The following C12orf42 variants were observed in gnomAD, a reference collection of about 807,000 sequenced individuals.
The protein encoded by C12orf42 is chromosome 12 open reading frame 42.
Under a neutral mutation model 21.6 loss-of-function variants are expected in C12orf42, and 25 were observed. The observed-to-expected ratio is 1.16, with a 90% CI of 0.84 to 1.62. The LOEUF (loss-of-function observed/expected upper bound fraction) is 1.62, where lower values mean the gene tolerates loss of function less well. C12orf42 is among the 40% of genes most tolerant of loss of function. C12orf42 has a pLI of 0.00. For missense variants in C12orf42, 483 were observed against 459.3 expected (o/e 1.05, Z -0.47); for synonymous variants, 174 against 175.0 (o/e 0.99, Z 0.05).
chr12:103,314,778 G>A (rs1426274146), intron 4 of C12orf42, among the ~76,000 whole-genome samples: 1 of 152,102 alleles, frequency 6.6e-6, no homozygotes, highest in East Asian at 1.9e-4. Context: ...TAGCCTTCTT[G>A]TCTTACTTAC....
chr12:103,313,582 A>G (rs1408131773), intron 4 of C12orf42, among the ~76,000 whole-genome samples: 1 of 152,236 alleles, frequency 6.6e-6, no homozygotes, highest in Non-Finnish European at 1.5e-5. Flanking sequence ...AAATAAAAAT[A>G]ATGATAATAT....
At chr12:103,473,962 T>C (rs1432134326) in intron 2 of C12orf42, among the ~76,000 whole-genome samples, 1 of 152,206 alleles carries the variant, frequency 6.6e-6, no homozygotes, top group Non-Finnish European at 1.5e-5. Context: ...TTTTTCTTAA[T>C]ACTCAGATTA....
the C12orf42 span, among the ~76,000 whole-genome samples, chr12:103,506,866 A>ATATT: frequency 6.4e-3 from 369 of 57,870 alleles, 29 homozygotes; most frequent in South Asian, 0.011. Flanking sequence ...TATTATATAT[A>ATATT]TATATTTATA....
chr12:103,422,833 TAA>T (rs75586729), intron 2 of C12orf42, among the ~76,000 whole-genome samples: 29 of 134,546 alleles, frequency 2.2e-4, no homozygotes, highest in East Asian at 4.2e-4. Context: ...CTGGGAACAT[TAA>T]AAAAAAAAAA....
chr12:103,159,673 T>C, the C12orf42 span: 2 of 152,260 alleles, frequency 1.3e-5, no homozygotes, highest in African/African-American at 4.8e-5. Context: ...CCATTTGCCA[T>C]CCATTTAATT....
At chr12:103,452,843 A>G (rs1463836930) in intron 2 of C12orf42, among the ~76,000 whole-genome samples, 1 of 151,336 alleles carries the variant, frequency 6.6e-6, no homozygotes, top group Non-Finnish European at 1.5e-5. Context: ...ACTTGGACAC[A>G]GGAAGAGGAA....
the C12orf42 span, among the ~76,000 whole-genome samples, chr12:103,129,709 T>C: frequency 1.3e-4 from 20 of 152,314 alleles, no homozygotes; most frequent in Admixed American, 2.6e-4. Flanking sequence ...CCAGATAACA[T>C]TGGAGGGCAT....
chr12:103,229,207 C>T, the C12orf42 span, among the ~76,000 whole-genome samples: 1 of 152,168 alleles, frequency 6.6e-6, no homozygotes, highest in Non-Finnish European at 1.5e-5. Flanking sequence ...GCCTTCCTTC[C>T]TGCCTCTTCA....
chr12:103,190,543 T>G, the C12orf42 span, among the ~76,000 whole-genome samples: 6 of 152,142 alleles, frequency 3.9e-5, no homozygotes, highest in African/African-American at 1.4e-4. Context: ...CAAAGAATGC[T>G]GAGGATAGAT....
At chr12:103,118,607 G>A in the C12orf42 span, among the ~76,000 whole-genome samples, 1 of 151,740 alleles carries the variant, frequency 6.6e-6, no homozygotes, top group Non-Finnish European at 1.5e-5. Context: ...GACCATCCTG[G>A]CTAACACGGT....
chr12:103,356,041 A>C (rs1254325190), intron 4 of C12orf42, among the ~76,000 whole-genome samples: 1 of 152,098 alleles, frequency 6.6e-6, no homozygotes, highest in Non-Finnish European at 1.5e-5. Context: ...AGAGACATTA[A>C]GCCCAAAGTC....
the C12orf42 span, among the ~76,000 whole-genome samples, chr12:103,220,683 T>C: frequency 7.5e-6 from 1 of 132,982 alleles, no homozygotes; most frequent in Admixed American, 7.7e-5. Flanking sequence ...CCATTGCTTT[T>C]GACGAGTCGG....
chr12:103,263,038 A>G (rs948640070), intron 10 of C12orf42, among the ~76,000 whole-genome samples: 13 of 152,158 alleles, frequency 8.5e-5, no homozygotes, highest in African/African-American at 3.1e-4. Flanking sequence ...CATTCTCAGC[A>G]AGATATCACA....
At chr12:103,350,951 G>A (rs2043053498) in intron 4 of C12orf42, among the ~76,000 whole-genome samples, 2 of 151,924 alleles carry the variant, frequency 1.3e-5, no homozygotes, top group Non-Finnish European at 2.9e-5. Context: ...GTATAACTAG[G>A]TCCTTGCTTT....
intron 2 of C12orf42, among the ~76,000 whole-genome samples, chr12:103,475,651 C>T (rs1183926812): frequency 6.6e-6 from 1 of 152,196 alleles, no homozygotes; most frequent in Non-Finnish European, 1.5e-5. Context: ...CATCATTCCA[C>T]AGTGAAAAGA....
rs528332129 is a variant in C12orf42, at chr12:103,241,123, G to T, written c.*1367-3221C>A. On this transcript the variant is annotated intron_variant and NMD_transcript_variant, in intron 10 of 10. Coordinates refer to the C12orf42 transcript ENST00000547347. ...ACAAAGAAGTTATAAAAACCATTTG[G>T]TCTCAAAACACACAATGGCATTGTT... is the stretch of plus-strand genomic sequence containing the variant. Among the ~76,000 whole-genome samples, 9 of 151,616 alleles carry T rather than the reference G, an allele frequency of 5.9e-5. No homozygotes were observed. In the South Asian group the frequency reaches 1.7e-3, roughly 28 times the overall value.
At chr12:103,169,018 G>C in the C12orf42 span, among the ~76,000 whole-genome samples, 1 of 152,026 alleles carries the variant, frequency 6.6e-6, no homozygotes, top group African/African-American at 2.4e-5. Context: ...TGGGGGATGG[G>C]AGACAAGGAG....
At chr12:103,265,977 T>C (rs975476547), downstream of C12orf42, among the ~76,000 whole-genome samples, 1 of 152,088 alleles carries the variant, frequency 6.6e-6, no homozygotes, top group Admixed American at 6.6e-5. Context: ...GAAGGCCTCT[T>C]TCACAGCATA....
At chr12:103,098,895 A>C in the C12orf42 span, among the ~76,000 whole-genome samples, 2 of 152,226 alleles carry the variant, frequency 1.3e-5, no homozygotes, top group Non-Finnish European at 2.9e-5. Context: ...GATTTGATTG[A>C]GCAAAGACTG....
Sources: allele counts gnomAD v4.1 joint callset (sites outside exome capture counted in the v4.1 genomes callset), GRCh38; gene constraint gnomAD v4.1.1; transcripts MANE v1.5; gene names NCBI Gene and HGNC (gene_info 2026-07-23, HGNC 2026-07-21).